RFX3: variants seen among roughly 807,000 people sequenced by gnomAD.
The protein encoded by RFX3 is transcription factor RFX3.
In RFX3, 14 loss-of-function variants were observed where a neutral mutation model predicts 98.6. That is an observed-to-expected ratio of 0.14 (90% CI 0.09 to 0.22). The LOEUF (loss-of-function observed/expected upper bound fraction) is 0.22. RFX3 is among the 10% of genes least tolerant of loss of function. The probability of loss-of-function intolerance (pLI) is 1.00; values close to 1 mark genes in which losing one functional copy is unlikely to be tolerated. For missense variants in RFX3, 639 were observed against 926.9 expected (o/e 0.69, Z 4.03); for synonymous variants, 383 against 328.4 (o/e 1.17, Z -1.80).
At chr9:3,398,929 A>AT (rs1273790010) in intron 1 of RFX3, among the ~76,000 whole-genome samples, 52 of 149,916 alleles carry the variant, frequency 3.5e-4, no homozygotes, top group African/African-American at 1.3e-3. Flanking sequence ...AAAAAAAAAA[A>AT]AAAAAAAAAA....
At chr9:3,352,246 A>T (rs796520674) in intron 2 of RFX3, among the ~76,000 whole-genome samples, 1 of 151,758 alleles carries the variant, frequency 6.6e-6, no homozygotes, top group African/African-American at 2.4e-5. Context: ...AAATGTGTGT[A>T]TGTGTGTGTG....
intron 4 of RFX3, among the ~76,000 whole-genome samples, chr9:3,316,445 A>C (rs2130628603): frequency 6.6e-6 from 1 of 152,320 alleles, no homozygotes; most frequent in South Asian, 2.1e-4. Context: ...AACTGGAATC[A>C]TTCCCTTTGA....
At chr9:3,286,159 T>C (rs1826570761) in intron 7 of RFX3, among the ~76,000 whole-genome samples, 1 of 151,914 alleles carries the variant, frequency 6.6e-6, no homozygotes, top group Non-Finnish European at 1.5e-5. Flanking sequence ...CACCATCATC[T>C]CCACTGTGTA....
chr9:3,367,294 G>A (rs1002593193), intron 2 of RFX3, among the ~76,000 whole-genome samples: 1 of 152,098 alleles, frequency 6.6e-6, no homozygotes, highest in African/African-American at 2.4e-5. Context: ...CAAGCAGGCA[G>A]CCTCTAGGAG....
At chr9:3,421,101 G>C (rs1382211464) in intron 1 of RFX3, among the ~76,000 whole-genome samples, 2 of 151,306 alleles carry the variant, frequency 1.3e-5, no homozygotes, top group Admixed American at 1.3e-4. Flanking sequence ...TCCCCTGCAG[G>C]ATGGCCACAT....
chr9:3,352,395 C>G lies in RFX3; in HGVS notation c.118-5631G>C, dbSNP rs139332083. On this transcript the variant is annotated intron_variant, in intron 2 of 16. Coordinates refer to ENST00000617270, the MANE Select transcript of RFX3 (RefSeq NM_001282116.2). Reference sequence around the variant, plus strand: ...GAAAAGAGGTGAGGGGGTGAAAAAACTATCATCTTTTATTCTGCATATTTA... The same window carrying G: ...GAAAAGAGGTGAGGGGGTGAAAAAAGTATCATCTTTTATTCTGCATATTTA... Among the ~76,000 whole-genome samples, 251 of 152,012 alleles carry G rather than the reference C, an allele frequency of 1.7e-3. 3 individuals carry two copies. The East Asian group carries it at 0.031, about 19-fold the overall frequency.
intron 1 of RFX3, among the ~76,000 whole-genome samples, chr9:3,486,128 C>CAAAAAAAAAAAAAAAAA (rs772747349): frequency 2.0e-5 from 1 of 49,156 alleles, no homozygotes. Context: ...TGTCTCAAAC[C>CAAAAAAAAAAAAAAAAA]AAAAAAAAAA....
intron 2 of RFX3, among the ~76,000 whole-genome samples, chr9:3,349,096 A>G (rs958709534): frequency 3.3e-5 from 5 of 152,110 alleles, no homozygotes; most frequent in African/African-American, 9.7e-5. Context: ...AAAAATACAT[A>G]TCATAAATTC....
intron 4 of RFX3, among the ~76,000 whole-genome samples, chr9:3,311,793 A>G (rs1829991946): frequency 6.6e-6 from 1 of 152,122 alleles, no homozygotes. Flanking sequence ...CTGAGGCAGG[A>G]CAATCGCTTG....
intron 11 of RFX3, among the ~76,000 whole-genome samples, chr9:3,269,675 C>T (rs1049528635): frequency 7.2e-5 from 11 of 152,118 alleles, no homozygotes; most frequent in African/African-American, 2.7e-4. Context: ...GTAATCTAAC[C>T]TATCTATGTA....
chr9:3,285,030 T>C (rs943647224), intron 7 of RFX3, among the ~76,000 whole-genome samples: 2 of 151,748 alleles, frequency 1.3e-5, no homozygotes, highest in African/African-American at 4.8e-5. Context: ...ATAAAAACAA[T>C]AATCATTCTT....
intron 1 of RFX3, among the ~76,000 whole-genome samples, chr9:3,502,175 T>C (rs1356204170): frequency 6.7e-6 from 1 of 150,248 alleles, no homozygotes; most frequent in Non-Finnish European, 1.5e-5. Flanking sequence ...AGGAGAATGG[T>C]GTGAACCCGG....
At chr9:3,255,494 A>T (rs556999601) in intron 14 of RFX3, among the ~76,000 whole-genome samples, 2 of 152,350 alleles carry the variant, frequency 1.3e-5, no homozygotes, top group East Asian at 3.9e-4. Flanking sequence ...CAGAATCTAC[A>T]GTAGAGACTG....
chr9:3,244,165 C>G (rs111796799), intron 15 of RFX3, among the ~76,000 whole-genome samples: 20,392 of 151,648 alleles, frequency 0.13, 1,891 homozygotes, highest in African/African-American at 0.26. Flanking sequence ...ACCACGCCCG[C>G]CTAATTTTTT....
intron 2 of RFX3, among the ~76,000 whole-genome samples, chr9:3,360,680 T>C (rs1164135827): frequency 6.6e-6 from 1 of 152,200 alleles, no homozygotes; most frequent in Non-Finnish European, 1.5e-5. Context: ...CATTTGCTAA[T>C]TTTGTGTACT....
At chr9:3,451,948 T>C (rs1003409550) in intron 1 of RFX3, among the ~76,000 whole-genome samples, 1 of 152,136 alleles carries the variant, frequency 6.6e-6, no homozygotes. Context: ...ATTGTACAAT[T>C]CTTCGTTACA....
intron 1 of RFX3, among the ~76,000 whole-genome samples, chr9:3,520,645 T>C (rs898307410): frequency 6.6e-6 from 1 of 152,186 alleles, no homozygotes; most frequent in Non-Finnish European, 1.5e-5. Flanking sequence ...ACTAGCCTAT[T>C]CCAACAGCAT....
chr9:3,428,013 G>A (rs536988922), intron 1 of RFX3, among the ~76,000 whole-genome samples: 1 of 152,094 alleles, frequency 6.6e-6, no homozygotes, highest in South Asian at 2.1e-4. Context: ...AATGTCCCTA[G>A]GCAGAAATGC....
chr9:3,453,620 G>C (rs935151695), intron 1 of RFX3: 9 of 151,294 alleles, frequency 5.9e-5, no homozygotes, highest in African/African-American at 2.2e-4. Context: ...TGAGGCATGA[G>C]AATTACTTGA....
Sources: allele counts gnomAD v4.1 joint callset (sites outside exome capture counted in the v4.1 genomes callset), GRCh38; gene constraint gnomAD v4.1.1; transcripts MANE v1.5; gene names NCBI Gene and HGNC (gene_info 2026-07-23, HGNC 2026-07-21).